CPNE8: variants seen among roughly 807,000 people sequenced by gnomAD.
CPNE8 encodes the protein copine-8.
CPNE8 carries 45 observed loss-of-function variants against 81.5 expected under a neutral mutation model. That is an observed-to-expected ratio of 0.55 (90% CI 0.44 to 0.71). The LOEUF (loss-of-function observed/expected upper bound fraction) is 0.71, where lower values mean the gene tolerates loss of function less well. Ranked by LOEUF, CPNE8 falls within the 30% of genes least tolerant of loss-of-function variation. CPNE8 has a pLI of 0.00. For missense variants in CPNE8, 594 were observed against 672.1 expected, an observed-to-expected ratio of 0.88 and a Z score of 1.28; for synonymous variants, 252 against 226.3, an observed-to-expected ratio of 1.11 and a Z score of -1.02.
At chr12:38,675,923 C>T (rs1939278412) in intron 17 of CPNE8, 149 bp from the exon 18 acceptor site, 2 of 615,104 alleles carry the variant, frequency 3.3e-6, no homozygotes, top group Non-Finnish European at 2.8e-6. Flanking sequence ...AGTTTGAGAA[C>T]AGCCTGGGCA....
At chr12:38,812,191 C>T (rs1942949438) in intron 6 of CPNE8, among the ~76,000 whole-genome samples, 1 of 152,182 alleles carries the variant, frequency 6.6e-6, no homozygotes, top group African/African-American at 2.4e-5. Context: ...TACAAATAGG[C>T]AAGTTGAACA....
At chr12:38,754,926 G>A (rs1363809257) in intron 10 of CPNE8, among the ~76,000 whole-genome samples, 2 of 152,120 alleles carry the variant, frequency 1.3e-5, no homozygotes, top group Non-Finnish European at 2.9e-5. Flanking sequence ...ACCATTAAGG[G>A]AAGATTCCAC....
Position 38,652,653 on chromosome 12 carries a change from A to G in CPNE8, c.*1229T>C, listed in dbSNP as rs1487391754. 2.0e-5 allele frequency: 3 copies of G among 152,606 alleles called. No homozygotes were observed. Among genetic ancestry groups the G allele is most frequent in the Admixed American group, 6.5e-5 (1 of 15,274 alleles). The allele number at this position is 152,606 out of a possible 1,614,324, so 9.5% of individuals were successfully genotyped here. A position where few individuals can be genotyped will look rare whatever the true frequency, so the allele number is the denominator to read the frequency against. ...TTCTATTATTTGAAGGCAATTCACA[A>G]TCATTTCCAGGAATTCCGTGAGAAT... is the stretch of plus-strand genomic sequence containing the variant. On this transcript the variant is annotated 3_prime_UTR_variant, in exon 20 of 20. Transcript: ENST00000331366.
intron 11 of CPNE8, among the ~76,000 whole-genome samples, chr12:38,725,788 G>A (rs1406352642): frequency 3.3e-5 from 5 of 151,958 alleles, no homozygotes; most frequent in Non-Finnish European, 7.4e-5. Context: ...GAAAAAATAA[G>A]CTGAGGCATG....
rs778964967 is a variant in CPNE8, at chr12:38,724,917, A to G, written c.799-18T>C. 3 of 1,519,092 alleles carry G rather than the reference A, an allele frequency of 2.0e-6. No homozygotes were observed. The highest frequency in any genetic ancestry group is 2.3e-5 in the South Asian group (2 of 86,496). 94.1% of individuals were successfully genotyped at this position (1,519,092 alleles called of 1,614,324 possible). On this transcript the variant is annotated intron_variant, in intron 11 of 19. Transcript: ENST00000331366. Reference sequence around the variant, plus strand: ...TTCACCACCTTAAAAAGCAGATAAAACAATTAAAATGTGTTAGGTTTTATA... The same window carrying G: ...TTCACCACCTTAAAAAGCAGATAAAGCAATTAAAATGTGTTAGGTTTTATA...
chr12:38,703,591 T>C (rs563222947), intron 13 of CPNE8, among the ~76,000 whole-genome samples: 8 of 152,268 alleles, frequency 5.3e-5, no homozygotes, highest in Middle Eastern at 3.4e-3. Context: ...CACATAGTAT[T>C]GGAAGAGCTG....
At chr12:38,663,532 G>C (rs913153484) in intron 19 of CPNE8, among the ~76,000 whole-genome samples, 2 of 152,048 alleles carry the variant, frequency 1.3e-5, no homozygotes, top group African/African-American at 2.4e-5. Context: ...GTAGAGAAAA[G>C]GGAACTCATA....
intron 10 of CPNE8, among the ~76,000 whole-genome samples, chr12:38,743,914 C>A (rs970984246): frequency 6.6e-6 from 1 of 152,142 alleles, no homozygotes; most frequent in Admixed American, 6.5e-5. Flanking sequence ...TTGGCAGTGA[C>A]AATACACTAC....
intron 6 of CPNE8, among the ~76,000 whole-genome samples, chr12:38,822,428 C>T (rs1055409841): frequency 6.6e-6 from 1 of 151,996 alleles, no homozygotes; most frequent in African/African-American, 2.4e-5. Flanking sequence ...CTAAACACGT[C>T]TCTAAGAAAA....
intron 17 of CPNE8, 71 bp from the exon 18 acceptor site, chr12:38,675,845 CA>C: frequency 1.0e-6 from 1 of 971,066 alleles, no homozygotes; most frequent in South Asian, 1.4e-5. Context: ...AAAGGCCAGG[CA>C]TGATATCTCA....
At chr12:38,742,440 A>G (rs930309182) in intron 10 of CPNE8, among the ~76,000 whole-genome samples, 2 of 151,576 alleles carry the variant, frequency 1.3e-5, no homozygotes, top group East Asian at 1.9e-4. Flanking sequence ...CAAAAAACCA[A>G]ACACCGCATG....
chr12:38,778,416 C>A (rs1343448012), intron 6 of CPNE8, among the ~76,000 whole-genome samples: 5 of 152,162 alleles, frequency 3.3e-5, no homozygotes, highest in Non-Finnish European at 7.4e-5. Context: ...GTTATTAAAA[C>A]CTATCTAAAA....
chr12:38,692,573 T>C (rs187164216), intron 15 of CPNE8, among the ~76,000 whole-genome samples: 1 of 152,156 alleles, frequency 6.6e-6, no homozygotes, highest in Non-Finnish European at 1.5e-5. Flanking sequence ...GCTAAACCAG[T>C]ATATATTTGT....
At chr12:38,755,748 G>T (rs538822177) in intron 10 of CPNE8, among the ~76,000 whole-genome samples, 5 of 151,752 alleles carry the variant, frequency 3.3e-5, no homozygotes, top group African/African-American at 2.4e-5. Context: ...TCAATAAAAA[G>T]AACAGGTAAC....
chr12:38,732,467 T>C (rs1041848311), intron 10 of CPNE8, among the ~76,000 whole-genome samples: 1 of 151,986 alleles, frequency 6.6e-6, no homozygotes. Flanking sequence ...GTTAAATTTG[T>C]AAGCCTCTAC....
chr12:38,905,288 G>T, intron 1 of CPNE8, 149 bp downstream of exon 1: 1 of 813,490 alleles, frequency 1.2e-6, no homozygotes, highest in Admixed American at 2.5e-5. Context: ...ACCTGACCCG[G>T]GGTAACTCCA....
intron 10 of CPNE8, among the ~76,000 whole-genome samples, chr12:38,743,378 C>T (rs148104003): frequency 6.5e-4 from 99 of 152,024 alleles, no homozygotes; most frequent in African/African-American, 2.2e-3. Context: ...TATTAAAATG[C>T]TCTAATTTTT....
intron 3 of CPNE8, among the ~76,000 whole-genome samples, chr12:38,850,251 G>A (rs1317122594): frequency 1.3e-5 from 2 of 152,112 alleles, no homozygotes; most frequent in African/African-American, 2.4e-5. Context: ...AGCAGCAAAT[G>A]CACAACACTC....
chr12:38,667,890 T>C (rs1162428706), intron 19 of CPNE8, among the ~76,000 whole-genome samples: 1 of 152,110 alleles, frequency 6.6e-6, no homozygotes, highest in Non-Finnish European at 1.5e-5. Context: ...CTCCACCTCC[T>C]GGGCTCAAGC....
Sources: gnomAD v4.1 joint callset for allele counts (sites outside exome capture counted in the v4.1 genomes callset) on GRCh38, gnomAD v4.1.1 for gene constraint, MANE v1.5 for transcripts, NCBI Gene and HGNC (gene_info 2026-07-23, HGNC 2026-07-21) for gene names.